Variants in PIAS2 observed in about 807,000 individuals in gnomAD.
The protein encoded by PIAS2 is protein inhibitor of activated STAT 2, also known as E3 SUMO-protein ligase PIAS2.
PIAS2 carries 19 observed loss-of-function variants against 69.7 expected under a neutral mutation model. The ratio of observed to expected loss-of-function variants is 0.27; its 90% confidence interval spans 0.19 to 0.40. The LOEUF (loss-of-function observed/expected upper bound fraction) is 0.40. Ranked by LOEUF, PIAS2 falls within the 10% of genes least tolerant of loss-of-function variation. PIAS2 has a pLI of 1.00. For synonymous variants in PIAS2, 261 were observed against 263.2 expected (o/e 0.99, Z 0.08); for missense variants, 624 against 757.0 (o/e 0.82, Z 2.06).
At chr18:46,900,545 T>TG (rs1373696812) in intron 1 of PIAS2, among the ~76,000 whole-genome samples, 3 of 151,726 alleles carry the variant, frequency 2.0e-5, no homozygotes, top group African/African-American at 7.3e-5. Flanking sequence ...GGCTTGGTGG[T>TG]GCTCAACTGT....
In PIAS2 at chr18:46,806,964, A is replaced by G. The variant is rs2040716298; in HGVS notation, c.*5469T>C. 6.6e-6 allele frequency: 1 copy of G among 152,176 alleles called. No individual in the cohort carries two copies. 9.4% of individuals were successfully genotyped at this position (152,176 alleles called of 1,614,324 possible). ...TGTTGTACCTCAAACATCTGAAGGT[A>G]GCAATCTGTTTTTTTCTTTCCCTGC... On this transcript the variant is annotated 3_prime_UTR_variant, in exon 14 of 14. Coordinates refer to ENST00000585916, the MANE Select transcript of PIAS2 (RefSeq NM_004671.5).
intron 1 of PIAS2, among the ~76,000 whole-genome samples, chr18:46,899,001 A>C (rs1280980668): frequency 6.6e-6 from 1 of 152,030 alleles, no homozygotes; most frequent in Admixed American, 6.6e-5. Context: ...TCTCAAAAAA[A>C]AAAAAAAGCT....
chr18:46,820,883 A>AAAAAT, intron 12 of PIAS2, 50 bp downstream of exon 12: 1 of 1,556,782 alleles, frequency 6.4e-7, no homozygotes, highest in Non-Finnish European at 8.7e-7. Flanking sequence ...TAAGATTAAA[A>AAAAAT]AAAATAAACT....
intron 1 of PIAS2, chr18:46,917,034 C>T: frequency 1.0e-6 from 1 of 987,762 alleles, no homozygotes; most frequent in Non-Finnish European, 1.2e-6. Context: ...CCCATGTGCC[C>T]CTCCTGGAGG....
chr18:46,840,291 T>C (rs1226691087), intron 8 of PIAS2, among the ~76,000 whole-genome samples: 1 of 152,224 alleles, frequency 6.6e-6, no homozygotes, highest in Non-Finnish European at 1.5e-5. Context: ...AAGCACACAT[T>C]CCATTAGCCA....
At chr18:46,845,019 CTCAA>C (rs2045967493) in intron 6 of PIAS2, 180 bp from the exon 7 acceptor site, 1 of 376,398 alleles carries the variant, frequency 2.7e-6, no homozygotes, top group Non-Finnish European at 4.7e-6. Flanking sequence ...AAAATAAAAG[CTCAA>C]TCATTTTAAA....
intron 2 of PIAS2, among the ~76,000 whole-genome samples, chr18:46,865,392 T>C (rs2049281114): frequency 6.6e-6 from 1 of 151,774 alleles, no homozygotes; most frequent in Admixed American, 6.6e-5. Flanking sequence ...ACACAAAAAT[T>C]AGCCAGTCAT....
At chr18:46,825,664 A>C (rs952996179) in intron 11 of PIAS2, among the ~76,000 whole-genome samples, 1 of 152,206 alleles carries the variant, frequency 6.6e-6, no homozygotes, top group Non-Finnish European at 1.5e-5. Context: ...AAATGGAACA[A>C]AACTGGCATG....
At chr18:46,914,195 T>C (rs541913402) in intron 1 of PIAS2, among the ~76,000 whole-genome samples, 106 of 152,354 alleles carry the variant, frequency 7.0e-4, no homozygotes, top group African/African-American at 2.3e-3. Flanking sequence ...CACATTATTG[T>C]AACCATCTTT....
chr18:46,917,642 G>T, upstream of PIAS2: 3 of 800,036 alleles, frequency 3.7e-6, no homozygotes, highest in Non-Finnish European at 4.6e-6. Flanking sequence ...CTGCCCCGGC[G>T]TGCTGCCCCG....
rs1243654167 is a variant in PIAS2, at chr18:46,803,660, C to T, written c.*8773G>A. 1 of 152,178 alleles carries T rather than the reference C, an allele frequency of 6.6e-6. No homozygotes were observed. The highest frequency in any genetic ancestry group is 2.4e-5 in the African/African-American group (1 of 41,446). The allele number at this position is 152,178 out of a possible 1,614,324, so 9.4% of individuals were successfully genotyped here. A position where few individuals can be genotyped will look rare whatever the true frequency, so the allele number is the denominator to read the frequency against. The stretch of plus-strand genomic sequence containing the variant: ...TATTGAGTCTAATAATGATTTGGGT[C>T]AGGTGGCTAGCCATCACAGTGAGGA... On this transcript the variant is annotated 3_prime_UTR_variant, in exon 14 of 14. Coordinates refer to ENST00000585916, the MANE Select transcript of PIAS2 (RefSeq NM_004671.5).
chr18:46,859,370 G>C (rs1413830476), intron 3 of PIAS2, among the ~76,000 whole-genome samples: 3 of 143,952 alleles, frequency 2.1e-5, no homozygotes, highest in Non-Finnish European at 4.5e-5. Context: ...AGAGCTTGCA[G>C]TGAGCCAAGA....
chr18:46,821,906 A>AT (rs999498235), intron 11 of PIAS2, among the ~76,000 whole-genome samples: 4 of 152,086 alleles, frequency 2.6e-5, no homozygotes, highest in Admixed American at 6.6e-5. Flanking sequence ...TTAAACAGAG[A>AT]TTTTTTTTGC....
In PIAS2 at chr18:46,808,358, G is replaced by GA. The variant is rs2040811558; in HGVS notation, c.*4074dup. 1.3e-5 allele frequency: 2 copies of GA among 152,054 alleles called. No homozygotes were observed. The highest frequency in any genetic ancestry group is 4.8e-5 in the African/African-American group (2 of 41,416). 9.4% of individuals were successfully genotyped at this position (152,054 alleles called of 1,614,324 possible). On this transcript the variant is annotated 3_prime_UTR_variant, in exon 14 of 14. Coordinates refer to ENST00000585916, the MANE Select transcript of PIAS2 (RefSeq NM_004671.5). ...TAAGCATGTACTACTGACATAAACAGAAAAAACAAACATTATTCAACCAGG... is the reference window on the plus strand; with the variant it reads ...TAAGCATGTACTACTGACATAAACAGAAAAAAACAAACATTATTCAACCAGG...
chr18:46,843,830 A>G (rs1428140687), intron 8 of PIAS2: 1 of 341,596 alleles, frequency 2.9e-6, no homozygotes, highest in East Asian at 4.8e-5. Context: ...CATTAATTAC[A>G]ACAGATTATT....
At chr18:46,885,153 A>C (rs1598813644) in intron 2 of PIAS2, among the ~76,000 whole-genome samples, 1 of 152,316 alleles carries the variant, frequency 6.6e-6, no homozygotes, top group East Asian at 1.9e-4. Flanking sequence ...AAAAAATTTT[A>C]TATCAACCCT....
In PIAS2 at chr18:46,810,278, T is replaced by A. The variant is rs979526088; in HGVS notation, c.*2155A>T. On this transcript the variant is annotated 3_prime_UTR_variant, in exon 14 of 14. Transcript: ENST00000585916. ...TAAATAAACTAATTTCTATTAATAT[T>A]TTCATTTACTTTATAAAACTTTGTT... 3 of 152,148 alleles carry A rather than the reference T, an allele frequency of 2.0e-5. No individual in the cohort carries two copies. Among genetic ancestry groups the A allele is most frequent in the Admixed American group, 6.6e-5 (1 of 15,266 alleles). 9.4% of individuals were successfully genotyped at this position (152,148 alleles called of 1,614,324 possible).
chr18:46,862,307 C>A (rs556232534), intron 3 of PIAS2, among the ~76,000 whole-genome samples: 33 of 152,152 alleles, frequency 2.2e-4, no homozygotes, highest in African/African-American at 7.7e-4. Flanking sequence ...CTCACTCCAG[C>A]CTGGATGACA....
At chr18:46,815,640 A>C (rs958611589) in intron 12 of PIAS2, 2 of 1,064,454 alleles carry the variant, frequency 1.9e-6, no homozygotes, top group Non-Finnish European at 2.3e-6. Context: ...TTTGCCGCTT[A>C]ACAGAATGAG....
Sources: allele counts gnomAD v4.1 joint callset (sites outside exome capture counted in the v4.1 genomes callset), GRCh38; gene constraint gnomAD v4.1.1; transcripts MANE v1.5; gene names NCBI Gene and HGNC (gene_info 2026-07-23, HGNC 2026-07-21).